EPB41: variants seen among roughly 807,000 people sequenced by gnomAD.
EPB41 encodes protein 4.1.
A neutral mutation model predicts 108.0 loss-of-function variants in EPB41; 65 were observed. The ratio of observed to expected loss-of-function variants is 0.60; its 90% CI spans 0.49 to 0.74. The LOEUF is 0.74. Ranked by LOEUF, EPB41 falls within the 30% of genes least tolerant of loss-of-function variation. EPB41 has a pLI of 0.00. For missense variants in EPB41, 875 were observed against 1,037.0 expected (o/e 0.84, Z 2.15); for synonymous variants, 336 against 358.9 (o/e 0.94, Z 0.72).
intron 16 of EPB41, among the ~76,000 whole-genome samples, chr1:29,086,414 C>CA (rs551459287): frequency 4.7e-4 from 72 of 151,900 alleles, no homozygotes; most frequent in Non-Finnish European, 7.9e-4. Flanking sequence ...GCTAGGACTA[C>CA]AGGCACATGC....
intron 1 of EPB41, among the ~76,000 whole-genome samples, chr1:28,943,910 T>G (rs977795542): frequency 6.6e-6 from 1 of 152,214 alleles, no homozygotes; most frequent in African/African-American, 2.4e-5. Flanking sequence ...GTATCTGCAC[T>G]CCAATGTTTG....
rs55849161 is a variant in EPB41, at chr1:28,944,534, GTTTTTTT to G, written c.-8+29783_-8+29789del. Among the ~76,000 whole-genome samples the G allele has an allele frequency of 1.1e-4, 11 of 97,422 alleles. No homozygotes were observed. In the South Asian group the frequency reaches 3.7e-3, roughly 33 times the overall value. 63.9% of individuals were successfully genotyped at this position (97,422 alleles called of 152,430 possible). A position where few individuals can be genotyped will look rare whatever the true frequency, so the allele number is the denominator to read the frequency against. On this transcript the variant is annotated intron_variant, in intron 1 of 20. Coordinates refer to ENST00000343067, the MANE Select transcript of EPB41 (RefSeq NM_001376013.1). ...ATTAAACATAAAACTCTCAGATCTG[GTTTTTTT>G]TTTTTTTTTTTTTTTTGAGATGTCT...
rs150258821 is a variant in EPB41, at chr1:29,058,537, T to C, written c.1846-52T>C. 785 of 1,524,276 alleles carry C rather than the reference T, an allele frequency of 5.1e-4. 8 individuals carry two copies. In the African/African-American group the frequency reaches 9.7e-3, roughly 19 times the overall value. 94.4% of individuals were successfully genotyped at this position (1,524,276 alleles called of 1,614,324 possible). On this transcript the variant is annotated intron_variant, in intron 12 of 20. Coordinates refer to ENST00000343067, the MANE Select transcript of EPB41 (RefSeq NM_001376013.1). The stretch of plus-strand genomic sequence containing the variant: ...GCTTATTTGGAAACAACACTATTCA[T>C]AGAAACCTACTAACCTAAAATGTTT...
chr1:29,020,557 G>T (rs2096631376), intron 7 of EPB41, among the ~76,000 whole-genome samples: 1 of 151,828 alleles, frequency 6.6e-6, no homozygotes, highest in South Asian at 2.1e-4. Context: ...TAACCCTTGG[G>T]CAATCAGTAA....
intron 1 of EPB41, among the ~76,000 whole-genome samples, chr1:28,889,220 G>A (rs891785750): frequency 1.3e-5 from 2 of 152,208 alleles, no homozygotes; most frequent in African/African-American, 2.4e-5. Context: ...AGACCAGAAC[G>A]GTAGCTGGTC....
At chr1:29,003,910 C>T (rs934096287) in intron 4 of EPB41, among the ~76,000 whole-genome samples, 5 of 152,088 alleles carry the variant, frequency 3.3e-5, no homozygotes, top group Non-Finnish European at 1.5e-5. Context: ...TTACAGGCGC[C>T]CACCACCACA....
At position 29,115,603 on chromosome 1, in the gene EPB41, T is replaced by C. The variant is rs1362773144; in HGVS notation, c.2497-96T>C. ...TGCCCTGGTACTGCAGACAGGAGTA[T>C]TGGATCTGTCAGAACATCAGAGAAA... On this transcript the variant is annotated intron_variant, in intron 19 of 20. Coordinates refer to ENST00000343067, the MANE Select transcript of EPB41 (RefSeq NM_001376013.1). The surrounding 1 kb of genome is among the most constrained non-coding windows in gnomAD (Gnocchi z 4.4). The C allele has an allele frequency of 3.8e-6, 4 of 1,042,770 alleles. No homozygotes were observed. The highest frequency in any genetic ancestry group is 5.9e-6 in the Non-Finnish European group (4 of 682,386). 64.6% of individuals were successfully genotyped at this position (1,042,770 alleles called of 1,614,324 possible).
chr1:29,007,643 T>A (rs1033147681), intron 4 of EPB41, among the ~76,000 whole-genome samples: 1 of 152,182 alleles, frequency 6.6e-6, no homozygotes, highest in Non-Finnish European at 1.5e-5. Flanking sequence ...ATGTTACTTG[T>A]CTGTTTTGCG....
At position 28,987,593 on chromosome 1, in the gene EPB41, GC is replaced by G. The variant is rs2095897764; in HGVS notation, c.157del (p.Leu53Ter). The G allele has an allele frequency of 6.2e-7, 1 of 1,614,052 alleles. No individual in the cohort carries two copies. The highest frequency in any genetic ancestry group is 8.5e-7 in the Non-Finnish European group (1 of 1,180,038). ...AAGGAGATAATTGGTGTGAACAGAA[GC>G]TGAAAGCTTCTAATGGAGACACTCC... The part of the protein sequence containing the change: ...AEGDNWCEQK[L>X]KASNGDTPTH... On this transcript the variant is annotated frameshift_variant, in exon 2 of 21. Transcript: ENST00000343067. LOFTEE classifies it high-confidence loss of function.
At chr1:29,048,466 C>T (rs1289364740) in intron 11 of EPB41, among the ~76,000 whole-genome samples, 2 of 152,160 alleles carry the variant, frequency 1.3e-5, no homozygotes, top group Non-Finnish European at 2.9e-5. Flanking sequence ...CCACCTCAGC[C>T]TCCCAAAGTG....
At chr1:29,087,688 A>G (rs1659649793) in intron 16 of EPB41, among the ~76,000 whole-genome samples, 1 of 152,204 alleles carries the variant, frequency 6.6e-6, no homozygotes, top group South Asian at 2.1e-4. Context: ...AATATCTGGA[A>G]TTCATAGGTC....
At chr1:28,971,399 A>C (rs1054140799) in intron 1 of EPB41, among the ~76,000 whole-genome samples, 2 of 151,600 alleles carry the variant, frequency 1.3e-5, no homozygotes, top group Admixed American at 6.6e-5. Flanking sequence ...GACCAGGCTC[A>C]TCTTGAACTC....
chr1:29,097,079 A>T (rs1234647870), intron 16 of EPB41: 1 of 152,640 alleles, frequency 6.6e-6, no homozygotes, highest in Non-Finnish European at 1.5e-5. Flanking sequence ...AAGAGCATTC[A>T]GGATCATAGG....
intron 16 of EPB41, among the ~76,000 whole-genome samples, chr1:29,078,957 T>C (rs1291154682): frequency 6.6e-6 from 1 of 152,100 alleles, no homozygotes; most frequent in Non-Finnish European, 1.5e-5. Context: ...TTAGCCAAGT[T>C]TTAGAGATAT....
chr1:28,905,030 CA>C (rs1221262969), intron 1 of EPB41, among the ~76,000 whole-genome samples: 888 of 72,330 alleles, frequency 0.012, 9 homozygotes, highest in Middle Eastern at 0.016. Context: ...GACTCTGTCT[CA>C]AAAAAAAAAA....
chr1:29,019,322 C>G (rs2150075117), intron 7 of EPB41, among the ~76,000 whole-genome samples: 1 of 152,170 alleles, frequency 6.6e-6, no homozygotes, highest in South Asian at 2.1e-4. Context: ...GAAGGATAGT[C>G]TGGGAGGTCA....
At chr1:29,000,414 A>G (rs1369996311) in intron 4 of EPB41, among the ~76,000 whole-genome samples, 1 of 152,216 alleles carries the variant, frequency 6.6e-6, no homozygotes, top group African/African-American at 2.4e-5. Context: ...TTAGTTTTTA[A>G]TGAGCAAATG....
chr1:28,991,793 T>C (rs921194212), intron 2 of EPB41, among the ~76,000 whole-genome samples: 2 of 152,048 alleles, frequency 1.3e-5, no homozygotes, highest in African/African-American at 4.8e-5. Flanking sequence ...CTAGGCAAGT[T>C]ACTTAATTTC....
At chr1:28,934,813 C>T (rs1017885920) in intron 1 of EPB41, among the ~76,000 whole-genome samples, 17 of 151,932 alleles carry the variant, frequency 1.1e-4, no homozygotes, top group African/African-American at 4.1e-4. Context: ...GTCCCCATTC[C>T]TTTTATTGGA....
Sources: allele counts gnomAD v4.1 joint callset (sites outside exome capture counted in the v4.1 genomes callset), GRCh38; gene constraint gnomAD v4.1.1; non-coding constraint Gnocchi (gnomAD v3.1); transcripts MANE v1.5; gene names NCBI Gene and HGNC (gene_info 2026-07-23, HGNC 2026-07-21).